KRTAP10-11: variants seen among roughly 807,000 people sequenced by gnomAD.
The protein encoded by KRTAP10-11 is keratin associated protein 10-11.
For synonymous variants in KRTAP10-11, 188 were observed against 161.1 expected, an observed-to-expected ratio of 1.17 and a Z score of -1.27; for missense variants, 401 against 378.8, an observed-to-expected ratio of 1.06 and a Z score of -0.49.
Position 44,647,286 on chromosome 21 carries a change from C to T in KRTAP10-11, c.828C>T (p.Leu276=), listed in dbSNP as rs781870524. 6.2e-6 allele frequency: 10 copies of T among 1,612,088 alleles called. No homozygotes were observed. In the East Asian group the frequency reaches 8.9e-5, roughly 14 times the overall value. Residue 276 remains leucine (L), a synonymous_variant, in exon 1 of 1, where the codon CTC becomes CTT. Coordinates refer to ENST00000334670, the MANE Select transcript of KRTAP10-11 (RefSeq NM_198692.3). Reference sequence around the variant, plus strand: ...GCCGCCCGGCCTCCTGCGTGTCCCTCCTCTGCCGCCCCGCAAGCTCCCGCC... The same window carrying T: ...GCCGCCCGGCCTCCTGCGTGTCCCTTCTCTGCCGCCCCGCAAGCTCCCGCC... ...SCCRPASCVS[L]LCRPASSRLA...
Position 44,647,047 on chromosome 21 carries a change from G to A in KRTAP10-11, c.589G>A (p.Val197Ile). 1 of 1,613,720 alleles carries A rather than the reference G, an allele frequency of 6.2e-7. No individual in the cohort carries two copies. The highest frequency in any genetic ancestry group is 1.3e-5 in the African/African-American group (1 of 74,858). Reference sequence around the variant, plus strand: ...CTGCGTGCCTGTCTGCTGCAAGACTGTCTACTGCAAGCCCATCTGCTGTGT... The same window carrying A: ...CTGCGTGCCTGTCTGCTGCAAGACTATCTACTGCAAGCCCATCTGCTGTGT... ...ACCVPVCCKT[V>I]YCKPICCVPV... The change falls in exon 1 of 1, where the codon GTC (valine) becomes ATC (isoleucine). Residue 197 changes from valine to isoleucine, a missense_variant. By Grantham distance (29) the Val-to-Ile change is conservative. Transcript: ENST00000334670.
Position 44,647,645 on chromosome 21 carries a change from A to G in KRTAP10-11, c.*290A>G, listed in dbSNP as rs1984521304. On this transcript the variant is annotated 3_prime_UTR_variant, in exon 1 of 1. Transcript: ENST00000334670. The stretch of plus-strand genomic sequence containing the variant: ...GCTCTAATCAATAAATTCTTGAGTC[A>G]GGAAATACGGGCTGGTGTGCACTTT... The G allele has an allele frequency of 4.3e-6, 2 of 465,952 alleles. No individual in the cohort carries two copies. The highest frequency in any genetic ancestry group is 8.1e-6 in the Non-Finnish European group (2 of 246,944). 28.9% of individuals were successfully genotyped at this position (465,952 alleles called of 1,614,324 possible). A position where few individuals can be genotyped will look rare whatever the true frequency, so the allele number is the denominator to read the frequency against.
In KRTAP10-11 at chr21:44,647,138, C is replaced by T. The variant is rs1181179740; in HGVS notation, c.680C>T (p.Thr227Ile). Reference sequence around the variant, plus strand: ...CCTAGCTGCCAGCCAGCTTGCTGCACCACCTCCTGCTGCAGACCCTCCTCC... The same window carrying T: ...CCTAGCTGCCAGCCAGCTTGCTGCATCACCTCCTGCTGCAGACCCTCCTCC... The part of the protein sequence containing the change: ...QQPSCQPACC[T>I]TSCCRPSSSV... Residue 227 changes from threonine (T) to isoleucine (I), a missense_variant, in exon 1 of 1, where the codon ACC becomes ATC. Coordinates refer to ENST00000334670, the MANE Select transcript of KRTAP10-11 (RefSeq NM_198692.3). 5.6e-6 allele frequency: 9 copies of T among 1,614,062 alleles called. No individual in the cohort carries two copies. The highest frequency in any genetic ancestry group is 6.8e-6 in the Non-Finnish European group (8 of 1,180,030).
Position 44,647,104 on chromosome 21 carries a change from T to C in KRTAP10-11, c.646T>C (p.Cys216Arg). 6.2e-7 allele frequency: 1 copy of C among 1,613,888 alleles called. No homozygotes were observed. The highest frequency in any genetic ancestry group is 8.5e-7 in the Non-Finnish European group (1 of 1,179,944). ...CTGCTCTAGGGCTTCCTCTTCACGC[T>C]GCCAGCAGCCTAGCTGCCAGCCAGC... The part of the protein sequence containing the change: ...PVCSRASSSR[C>R]QQPSCQPACC... Residue 216 changes from cysteine (C) to arginine (R), a missense_variant, in exon 1 of 1, where the codon TGC becomes CGC. Coordinates refer to ENST00000334670, the MANE Select transcript of KRTAP10-11 (RefSeq NM_198692.3).
Position 44,647,474 on chromosome 21 carries a change from C to T in KRTAP10-11, c.*119C>T. 8.3e-7 allele frequency: 1 copy of T among 1,201,938 alleles called. No homozygotes were observed. The highest frequency in any genetic ancestry group is 1.2e-6 in the Non-Finnish European group (1 of 863,644). The allele number at this position is 1,201,938 out of a possible 1,614,324, so 74.5% of individuals were successfully genotyped here. On this transcript the variant is annotated 3_prime_UTR_variant, in exon 1 of 1. Transcript: ENST00000334670. ...TCCATCAGTAGCCACAGAGCTGCTG[C>T]CTGAAGGGGATTTTGAGCGCGTCAC...
chr21:44,646,931 T>C lies in KRTAP10-11; in HGVS notation c.473T>C (p.Val158Ala), dbSNP rs781981424. ...GTCTGCTGCAAGCCTGTGTGCTGTGTGTCCACCTGCTCTGAGGATTCCTCT... is the reference window on the plus strand; with the variant it reads ...GTCTGCTGCAAGCCTGTGTGCTGTGCGTCCACCTGCTCTGAGGATTCCTCT... The part of the protein sequence containing the change: ...VPVCCKPVCC[V>A]STCSEDSSSC... The change falls in exon 1 of 1, where the codon GTG becomes GCG. Residue 158 changes from valine (V) to alanine (A), a missense_variant. By Grantham distance (64) the Val-to-Ala change is moderately conservative. Transcript: ENST00000334670. 11 of 1,610,714 alleles carry C rather than the reference T, an allele frequency of 6.8e-6. No individual in the cohort carries two copies. Among genetic ancestry groups the C allele is most frequent in the East Asian group, 6.7e-5 (3 of 44,730 alleles).
rs368719173 is a variant in KRTAP10-11, at chr21:44,647,218, T to C, written c.760T>C (p.Ser254Pro). The C allele has an allele frequency of 1.7e-5, 27 of 1,613,216 alleles. No homozygotes were observed. The highest frequency in any genetic ancestry group is 2.2e-5 in the South Asian group (2 of 90,992). Residue 254 changes from serine (S) to proline (P), a missense_variant, in exon 1 of 1, where the codon TCC (serine) becomes CCC (proline). Physicochemically the swap from Ser to Pro is moderately conservative, Grantham distance 74 (BLOSUM62 -1). Coordinates refer to ENST00000334670, the MANE Select transcript of KRTAP10-11 (RefSeq NM_198692.3). ...CAGGTCCACCTGCTGTGTGCCCGTC[T>C]CCTCCTGCTGTGCCCCCACCTCCTC... ...VCRSTCCVPV[S>P]SCCAPTSSCQ...
Position 44,646,751 on chromosome 21 carries a change from C to A in KRTAP10-11, c.293C>A (p.Ala98Asp), listed in dbSNP as rs966502954. 1 of 1,613,958 alleles carries A rather than the reference C, an allele frequency of 6.2e-7. No individual in the cohort carries two copies. The highest frequency in any genetic ancestry group is 1.3e-5 in the African/African-American group (1 of 75,008). ...TGCACCTCCTCCCCCTGCCAGCAGGCCTGCTGTGTGCCTGTCTGCTGCAAG... is the reference window on the plus strand; with the variant it reads ...TGCACCTCCTCCCCCTGCCAGCAGGACTGCTGTGTGCCTGTCTGCTGCAAG... ...ACCTSSPCQQ[A>D]CCVPVCCKTV... The change falls in exon 1 of 1, where the codon GCC (alanine) becomes GAC (aspartate). Residue 98 changes from alanine (A) to aspartate (D), a missense_variant. Coordinates refer to ENST00000334670, the MANE Select transcript of KRTAP10-11 (RefSeq NM_198692.3).
Position 44,647,276 on chromosome 21 carries a change from G to C in KRTAP10-11, c.818G>C (p.Cys273Ser), listed in dbSNP as rs782728144. Residue 273 changes from cysteine to serine, a missense_variant, in exon 1 of 1, where the codon TGC becomes TCC. Physicochemically the swap from Cys to Ser is moderately radical, Grantham distance 112. Coordinates refer to ENST00000334670, the MANE Select transcript of KRTAP10-11 (RefSeq NM_198692.3). Reference sequence around the variant, plus strand: ...TCCAGCTGCTGCCGCCCGGCCTCCTGCGTGTCCCTCCTCTGCCGCCCCGCA... The same window carrying C: ...TCCAGCTGCTGCCGCCCGGCCTCCTCCGTGTCCCTCCTCTGCCGCCCCGCA... ...CQSSCCRPASCVSLLCRPASS... is the reference protein window; with the variant it reads ...CQSSCCRPASSVSLLCRPASS... The C allele has an allele frequency of 6.2e-7, 1 of 1,601,764 alleles. No individual in the cohort carries two copies. Among genetic ancestry groups the C allele is most frequent in the South Asian group, 1.1e-5 (1 of 89,222 alleles).
rs587701784 is a variant in KRTAP10-11, at chr21:44,646,598, G to A, written c.140G>A (p.Cys47Tyr). Reference protein sequence around the residue: ...CAPAPSLSLVCTPVSCVSSPC... With the variant: ...CAPAPSLSLVYTPVSCVSSPC... Reference sequence around the variant, plus strand: ...CCGGCCCCCTCCCTGAGCCTGGTCTGCACCCCAGTGAGCTGTGTGTCCAGC... The same window carrying A: ...CCGGCCCCCTCCCTGAGCCTGGTCTACACCCCAGTGAGCTGTGTGTCCAGC... The change falls in exon 1 of 1, where the codon TGC becomes TAC. Residue 47 changes from cysteine (C) to tyrosine (Y), a missense_variant. Transcript: ENST00000334670. 2 of 1,612,628 alleles carry A rather than the reference G, an allele frequency of 1.2e-6. No individual in the cohort carries two copies. Among genetic ancestry groups the A allele is most frequent in the Admixed American group, 1.7e-5 (1 of 60,004 alleles).
Position 44,647,187 on chromosome 21 carries a change from C to T in KRTAP10-11, c.729C>T (p.Pro243=), listed in dbSNP as rs75548048. 3.7e-3 allele frequency: 5,982 copies of T among 1,614,114 alleles called. 198 individuals carry two copies. The African/African-American group carries it at 0.069, about 19-fold the overall frequency. The part of the protein sequence containing the change: ...PSSSVSLLCH[P]VCRSTCCVPV... ...CCTCTGTGTCCCTCCTCTGCCACCC[C>T]GTGTGCAGGTCCACCTGCTGTGTGC... The change falls in exon 1 of 1, where the codon CCC becomes CCT. Residue 243 remains proline, a synonymous_variant. Transcript: ENST00000334670.
rs1984382191 is a variant in KRTAP10-11 at position 44,646,535 on chromosome 21, G to A, written c.77G>A (p.Cys26Tyr). ...SWQVDDCPES[C>Y]CEPPCSAPSC... ...CAGGTGGACGACTGCCCAGAGAGCT[G>A]CTGTGAGCCCCCCTGCAGCGCCCCC... Residue 26 changes from cysteine to tyrosine, a missense_variant, in exon 1 of 1, where the codon TGC (cysteine) becomes TAC (tyrosine). Physicochemically the swap from Cys to Tyr is radical, Grantham distance 194. Transcript: ENST00000334670. 3.7e-6 allele frequency: 6 copies of A among 1,612,554 alleles called. No homozygotes were observed. In the South Asian group the frequency reaches 6.6e-5, roughly 18 times the overall value.
At position 44,647,139 on chromosome 21, in the gene KRTAP10-11, C is replaced by A. The variant is rs1984469856; in HGVS notation, c.681C>A (p.Thr227=). ...CTAGCTGCCAGCCAGCTTGCTGCAC[C>A]ACCTCCTGCTGCAGACCCTCCTCCT... ...QQPSCQPACC[T]TSCCRPSSSV... is the part of the protein sequence containing the mutation. Residue 227 remains threonine (T), a synonymous_variant, in exon 1 of 1, where the codon ACC becomes ACA. Coordinates refer to ENST00000334670, the MANE Select transcript of KRTAP10-11 (RefSeq NM_198692.3). 1.9e-6 allele frequency: 3 copies of A among 1,613,994 alleles called. No homozygotes were observed. Among genetic ancestry groups the A allele is most frequent in the Non-Finnish European group, 2.5e-6 (3 of 1,180,000 alleles).
the KRTAP10-11 span, chr21:44,646,782 CT>C: frequency 6.2e-7 from 1 of 1,613,090 alleles, no homozygotes; most frequent in Non-Finnish European, 8.5e-7. Context: ...GCAAGACTGT[CT>C]GCTGCAAGCC....
rs142705847 is a variant in KRTAP10-11 at position 44,647,250 on chromosome 21, G to A, written c.792G>A (p.Gln264=). Residue 264 remains glutamine (Q), a synonymous_variant, in exon 1 of 1, where the codon CAG becomes CAA. Transcript: ENST00000334670. ...GCTGTGCCCCCACCTCCTCCTGCCAGTCCAGCTGCTGCCGCCCGGCCTCCT... is the reference window on the plus strand; with the variant it reads ...GCTGTGCCCCCACCTCCTCCTGCCAATCCAGCTGCTGCCGCCCGGCCTCCT... The part of the protein sequence containing the change: ...SSCCAPTSSC[Q]SSCCRPASCV... The A allele has an allele frequency of 2.8e-3, 4,434 of 1,602,046 alleles. 87 individuals are homozygous for A. In the African/African-American group the frequency reaches 0.052, roughly 19 times the overall value.
In KRTAP10-11 at chr21:44,647,051, A is replaced by G. The variant is rs201197166; in HGVS notation, c.593A>G (p.Tyr198Cys). 2.0e-4 allele frequency: 314 copies of G among 1,600,270 alleles called. 3 individuals are homozygous for G. In the Middle Eastern group the frequency reaches 6.8e-3, roughly 35 times the overall value. ...CCVPVCCKTV[Y>C]CKPICCVPVC... ...GTGCCTGTCTGCTGCAAGACTGTCT[A>G]CTGCAAGCCCATCTGCTGTGTGCCT... The change falls in exon 1 of 1, where the codon TAC becomes TGC. Residue 198 changes from tyrosine (Y) to cysteine (C), a missense_variant. By Grantham distance (194) the Tyr-to-Cys change is radical (BLOSUM62 -2). Coordinates refer to ENST00000334670, the MANE Select transcript of KRTAP10-11 (RefSeq NM_198692.3).
At position 44,647,431 on chromosome 21, in the gene KRTAP10-11, T is replaced by A; in HGVS notation, c.*76T>A. ...TCTCCAGTCTCAGGAGCCCCTGGAG[T>A]CCTCAGAATCCACCAGCTCCATCAG... On this transcript the variant is annotated 3_prime_UTR_variant, in exon 1 of 1. Coordinates refer to ENST00000334670, the MANE Select transcript of KRTAP10-11 (RefSeq NM_198692.3). 6.6e-7 allele frequency: 1 copy of A among 1,507,776 alleles called. No homozygotes were observed. 93.4% of individuals were successfully genotyped at this position (1,507,776 alleles called of 1,614,324 possible). A position where few individuals can be genotyped will look rare whatever the true frequency, so the allele number is the denominator to read the frequency against.
Position 44,647,399 on chromosome 21 carries a change from G to A in KRTAP10-11, c.*44G>A. ...CTGCTGACTGTGTCTTTGCTGCCAA[G>A]CAGGATTCTCCAGTCTCAGGAGCCC... On this transcript the variant is annotated 3_prime_UTR_variant, in exon 1 of 1. Coordinates refer to ENST00000334670, the MANE Select transcript of KRTAP10-11 (RefSeq NM_198692.3). 1 of 1,591,848 alleles carries A rather than the reference G, an allele frequency of 6.3e-7. No homozygotes were observed. Among genetic ancestry groups the A allele is most frequent in the Admixed American group, 1.7e-5 (1 of 58,892 alleles).
Position 44,647,440 on chromosome 21 carries a change from T to G in KRTAP10-11, c.*85T>G. ...TCAGGAGCCCCTGGAGTCCTCAGAA[T>G]CCACCAGCTCCATCAGTAGCCACAG... On this transcript the variant is annotated 3_prime_UTR_variant, in exon 1 of 1. Coordinates refer to ENST00000334670, the MANE Select transcript of KRTAP10-11 (RefSeq NM_198692.3). 2 of 1,453,588 alleles carry G rather than the reference T, an allele frequency of 1.4e-6. No homozygotes were observed. Among genetic ancestry groups the G allele is most frequent in the South Asian group, 2.6e-5 (2 of 76,696 alleles). The allele number at this position is 1,453,588 out of a possible 1,614,324, so 90.0% of individuals were successfully genotyped here.
Sources: allele counts gnomAD v4.1 joint callset, GRCh38; gene constraint gnomAD v4.1.1; transcripts MANE v1.5; gene names NCBI Gene and HGNC (gene_info 2026-07-23, HGNC 2026-07-21).